TET3: variants seen among roughly 807,000 people sequenced by gnomAD.
TET3 encodes the protein tet methylcytosine dioxygenase 3.
A neutral mutation model predicts 141.4 loss-of-function variants in TET3; 19 were observed. The observed-to-expected ratio is 0.13, with a 90% CI of 0.09 to 0.20. TET3 has a LOEUF of 0.20. TET3 is among the 10% of genes least tolerant of loss of function. The pLI is 1.00. For missense variants in TET3, 1,874 were observed against 2,356.9 expected (o/e 0.80, Z 4.24); for synonymous variants, 1,043 against 980.9 (o/e 1.06, Z -1.18).
intron 3 of TET3, among the ~76,000 whole-genome samples, chr2:74,019,027 G>A (rs1685886714): frequency 6.6e-6 from 1 of 152,252 alleles, no homozygotes; most frequent in East Asian, 1.9e-4. Flanking sequence ...CGGGAAGACT[G>A]CCTGAAGCCA....
At position 74,086,493 on chromosome 2, in the gene TET3, C is replaced by T. The variant is rs544002179; in HGVS notation, c.2680-1337C>T. Among the ~76,000 whole-genome samples the T allele has an allele frequency of 1.3e-3, 193 of 152,064 alleles. 2 individuals carry two copies. The highest frequency in any genetic ancestry group is 1.8e-3 in the Non-Finnish European group (120 of 67,996). ...TAGTACATTTTTAAAATTGTGGTAA[C>T]AGTGTATAAACAGGCTGGGTGCAGT... On this transcript the variant is annotated intron_variant, in intron 6 of 11. Coordinates refer to ENST00000409262, the MANE Select transcript of TET3 (RefSeq NM_001287491.2).
Position 74,102,147 on chromosome 2 carries a change from G to A in TET3, c.5359G>A (p.Val1787Ile). 1 of 1,465,588 alleles carries A rather than the reference G, an allele frequency of 6.8e-7. No individual in the cohort carries two copies. Among genetic ancestry groups the A allele is most frequent in the Non-Finnish European group, 9.0e-7 (1 of 1,107,632 alleles). The allele number at this position is 1,465,588 out of a possible 1,614,324, so 90.8% of individuals were successfully genotyped here. Residue 1787 changes from valine (V) to isoleucine (I), a missense_variant, in exon 12 of 12, where the codon GTC (valine) becomes ATC (isoleucine). Physicochemically the swap from Val to Ile is conservative, Grantham distance 29 (BLOSUM62 3). Around this residue, in one of 10 missense-constraint regions of TET3, gnomAD observed 113 missense variants for 114.3 expected, o/e 0.99. Transcript: ENST00000409262. ...VTVSSYAYTK[V>I]TGPYSRWI Reference sequence around the variant, plus strand: ...CGTGTCCTCCTATGCCTACACGAAGGTCACTGGCCCCTACAGCCGCTGGAT... The same window carrying A: ...CGTGTCCTCCTATGCCTACACGAAGATCACTGGCCCCTACAGCCGCTGGAT...
intron 7 of TET3, among the ~76,000 whole-genome samples, chr2:74,088,657 A>G (rs1484259479): frequency 6.6e-6 from 1 of 152,026 alleles, no homozygotes; most frequent in Admixed American, 6.5e-5. Context: ...AAACAAAAAA[A>G]CCCTGCCCTT....
chr2:73,985,402 C>G lies in TET3; in HGVS notation c.-425+245C>G, dbSNP rs191976078. ...TGGCGGAGGCCCCAGAACAAAGGAGCCCGAGCGGCGGCGCGCGCGCGGCCC... is the reference window on the plus strand; with the variant it reads ...TGGCGGAGGCCCCAGAACAAAGGAGGCCGAGCGGCGGCGCGCGCGCGGCCC... On this transcript the variant is annotated intron_variant, in intron 1 of 11. Transcript: ENST00000409262. Among the ~76,000 whole-genome samples the G allele has an allele frequency of 8.8e-3, 1,269 of 144,248 alleles. 85 individuals are homozygous for G. Among genetic ancestry groups the G allele is most frequent in the Admixed American group, 0.08 (1,168 of 14,630 alleles). The allele number at this position is 144,248 out of a possible 152,430, so 94.6% of individuals were successfully genotyped here.
intron 3 of TET3, among the ~76,000 whole-genome samples, chr2:74,003,879 C>T (rs894350140): frequency 5.3e-5 from 8 of 150,720 alleles, no homozygotes; most frequent in Non-Finnish European, 1.0e-4. Flanking sequence ...GTGTTTGAGA[C>T]AGGGGAGGGG....
chr2:74,017,169 G>A (rs777852204), intron 3 of TET3, among the ~76,000 whole-genome samples: 6 of 152,132 alleles, frequency 3.9e-5, no homozygotes, highest in Non-Finnish European at 8.8e-5. Context: ...TATGCCTGTA[G>A]TCCCAGCTAC....
chr2:74,110,099 T>C (rs758836120), downstream of TET3, among the ~76,000 whole-genome samples: 4 of 152,198 alleles, frequency 2.6e-5, no homozygotes, highest in East Asian at 3.8e-4. Flanking sequence ...ATTATTACTC[T>C]TGACATATGC....
In TET3 at chr2:74,100,499, G is replaced by A. The variant is rs779946079; in HGVS notation, c.3711G>A (p.Val1237=). ...SSFKYSGNAV[V]ESYSVLGNCR... is the part of the protein sequence containing the mutation. Reference sequence around the variant, plus strand: ...TCAAGTACAGCGGCAACGCGGTGGTGGAGAGCTACTCGGTGCTGGGCAACT... The same window carrying A: ...TCAAGTACAGCGGCAACGCGGTGGTAGAGAGCTACTCGGTGCTGGGCAACT... The change falls in exon 12 of 12, where the codon GTG becomes GTA. Residue 1237 remains valine (V), a synonymous_variant. Transcript: ENST00000409262. The A allele has an allele frequency of 4.4e-6, 7 of 1,604,128 alleles. No individual in the cohort carries two copies. Among genetic ancestry groups the A allele is most frequent in the Non-Finnish European group, 2.6e-6 (3 of 1,175,580 alleles).
At chr2:74,079,793 T>C (rs1558774865) in intron 5 of TET3, among the ~76,000 whole-genome samples, 1 of 152,208 alleles carries the variant, frequency 6.6e-6, no homozygotes, top group African/African-American at 2.4e-5. Flanking sequence ...CACTGCTGCC[T>C]CTTTGTAGTT....
intron 6 of TET3, among the ~76,000 whole-genome samples, chr2:74,084,864 G>T (rs1690034495): frequency 6.6e-6 from 1 of 152,108 alleles, no homozygotes; most frequent in South Asian, 2.1e-4. Flanking sequence ...GAGCCCAGGA[G>T]GCAGAGGTGT....
Position 73,986,197 on chromosome 2 carries a change from C to A in TET3, c.-207C>A. 2.5e-6 allele frequency: 1 copy of A among 399,150 alleles called. No homozygotes were observed. Among genetic ancestry groups the A allele is most frequent in the Non-Finnish European group, 4.3e-6 (1 of 231,440 alleles). The allele number at this position is 399,150 out of a possible 1,614,324, so 24.7% of individuals were successfully genotyped here. On this transcript the variant is annotated 5_prime_UTR_variant, in exon 2 of 12. Coordinates refer to ENST00000409262, the MANE Select transcript of TET3 (RefSeq NM_001287491.2). ...TGGGCCCCAGCAGGTGGGAGAGTGG[C>A]CCCCTACGGAGTCCGATCAGACTGC...
At chr2:74,132,472 C>T in the TET3 span, among the ~76,000 whole-genome samples, 2 of 152,212 alleles carry the variant, frequency 1.3e-5, no homozygotes, top group African/African-American at 2.4e-5. Flanking sequence ...ACTGCAGCCT[C>T]AAACTCCTGG....
At chr2:74,091,148 G>A (rs1167710143) in intron 8 of TET3, among the ~76,000 whole-genome samples, 1 of 152,164 alleles carries the variant, frequency 6.6e-6, no homozygotes, top group Non-Finnish European at 1.5e-5. Context: ...AGACCTGTAT[G>A]CAAATAGTCT....
the TET3 span, among the ~76,000 whole-genome samples, chr2:74,114,853 C>CAAA: frequency 2.0e-3 from 86 of 43,822 alleles, 11 homozygotes; most frequent in African/African-American, 6.5e-3. Flanking sequence ...GACTCTGTCT[C>CAAA]AAAAAAAAAA....
intron 3 of TET3, among the ~76,000 whole-genome samples, chr2:74,025,808 AAAG>A (rs1309817272): frequency 6.6e-6 from 1 of 152,090 alleles, no homozygotes; most frequent in African/African-American, 2.4e-5. Context: ...TGATATTTTT[AAAG>A]AATTGTTTTT....
At chr2:74,128,338 T>C in the TET3 span, among the ~76,000 whole-genome samples, 1 of 152,194 alleles carries the variant, frequency 6.6e-6, no homozygotes, top group South Asian at 2.1e-4. Flanking sequence ...CCATCTATAA[T>C]TCCCCCAGAA....
At chr2:74,055,973 C>T (rs947497770) in intron 4 of TET3, among the ~76,000 whole-genome samples, 3 of 152,164 alleles carry the variant, frequency 2.0e-5, no homozygotes, top group African/African-American at 4.8e-5. Context: ...AGATAGATTC[C>T]TTCCTTTATA....
At chr2:74,089,433 G>A (rs1247821184) in intron 7 of TET3, among the ~76,000 whole-genome samples, 1 of 152,144 alleles carries the variant, frequency 6.6e-6, no homozygotes, top group Non-Finnish European at 1.5e-5. Flanking sequence ...TTTCCAGATT[G>A]TATTAAGCGT....
At chr2:74,051,766 G>A (rs1189548342) in intron 4 of TET3, among the ~76,000 whole-genome samples, 1 of 152,178 alleles carries the variant, frequency 6.6e-6, no homozygotes, top group African/African-American at 2.4e-5. Context: ...AACAGATTAA[G>A]TAATTTACCA....
Sources: allele counts gnomAD v4.1 joint callset (sites outside exome capture counted in the v4.1 genomes callset), GRCh38; gene constraint gnomAD v4.1.1; regional missense constraint gnomAD v4.1.1; transcripts MANE v1.5; gene names NCBI Gene and HGNC (gene_info 2026-07-23, HGNC 2026-07-21).